The following TOX variants were observed in gnomAD, a reference collection of about 807,000 sequenced individuals.
The protein encoded by TOX is thymocyte selection associated high mobility group box.
Under a neutral mutation model 53.7 loss-of-function variants are expected in TOX, and 11 were observed. The observed-to-expected ratio is 0.20, with a 90% CI of 0.13 to 0.34. The LOEUF (loss-of-function observed/expected upper bound fraction) is 0.34, where lower values mean the gene tolerates loss of function less well. Ranked by LOEUF, TOX falls within the 10% of genes least tolerant of loss-of-function variation. TOX has a pLI of 1.00. For missense variants in TOX, 570 were observed against 664.6 expected (o/e 0.86, Z 1.56); for synonymous variants, 225 against 245.3 (o/e 0.92, Z 0.77).
intron 3 of TOX, among the ~76,000 whole-genome samples, chr8:58,915,297 T>C (rs1438183484): frequency 4.4e-5 from 5 of 114,644 alleles, no homozygotes; most frequent in Non-Finnish European, 8.9e-5. Flanking sequence ...GACTTAAGTG[T>C]CCCTGTCTGA....
chr8:58,840,536 G>C (rs1020787057), intron 4 of TOX, among the ~76,000 whole-genome samples: 1 of 152,166 alleles, frequency 6.6e-6, no homozygotes, highest in Non-Finnish European at 1.5e-5. Context: ...TTAATACCCT[G>C]ATGTCCAAGT....
chr8:58,824,798 C>T (rs1810339239), intron 6 of TOX, among the ~76,000 whole-genome samples: 1 of 152,192 alleles, frequency 6.6e-6, no homozygotes. Context: ...CCACAGCATT[C>T]TCTGAGCCTG....
rs1353213287 is a variant in TOX, at chr8:58,807,496, C to A, written c.*251G>T. ...GAGCGCAGCACTTCACAGCAAAAAA[C>A]CAACATAAAATCTGAATGGTCCAAA... On this transcript the variant is annotated 3_prime_UTR_variant, in exon 9 of 9. Coordinates refer to ENST00000361421, the MANE Select transcript of TOX (RefSeq NM_014729.3). The A allele has an allele frequency of 6.9e-6, 3 of 431,706 alleles. No homozygotes were observed. Among genetic ancestry groups the A allele is most frequent in the Admixed American group, 3.7e-5 (1 of 27,302 alleles). The allele number at this position is 431,706 out of a possible 1,614,324, so 26.7% of individuals were successfully genotyped here. A position where few individuals can be genotyped will look rare whatever the true frequency, so the allele number is the denominator to read the frequency against.
At chr8:58,915,016 C>A (rs570903592) in intron 3 of TOX, among the ~76,000 whole-genome samples, 6 of 150,752 alleles carry the variant, frequency 4.0e-5, no homozygotes, top group Admixed American at 2.6e-4. Flanking sequence ...CGGCGCACCA[C>A]GAGACTATAT....
At chr8:58,967,404 T>C (rs1392519233) in intron 1 of TOX, among the ~76,000 whole-genome samples, 2 of 152,288 alleles carry the variant, frequency 1.3e-5, no homozygotes, top group East Asian at 3.9e-4. Context: ...ATGGATCCAG[T>C]TACATGCTCC....
chr8:58,999,460 G>C (rs768906365), intron 1 of TOX, among the ~76,000 whole-genome samples: 27 of 152,154 alleles, frequency 1.8e-4, no homozygotes, highest in Non-Finnish European at 3.2e-4. Context: ...AAATACAAGG[G>C]TTGAAAGGGT....
At chr8:58,963,304 TAG>T (rs1491018472) in intron 1 of TOX, among the ~76,000 whole-genome samples, 8 of 99,354 alleles carry the variant, frequency 8.1e-5, no homozygotes, top group Admixed American at 1.8e-4. Flanking sequence ...GATAGATAGA[TAG>T]ATATATATAT....
intron 3 of TOX, among the ~76,000 whole-genome samples, chr8:58,938,156 C>A (rs910137438): frequency 6.6e-6 from 1 of 152,122 alleles, no homozygotes; most frequent in African/African-American, 2.4e-5. Context: ...GGGTTTCATT[C>A]TCTAAAGAAA....
At position 58,872,955 on chromosome 8, in the gene TOX, T is replaced by C. The variant is rs555282770; in HGVS notation, c.412-21150A>G. ...TGTTAAAAATAGGGGAATCTTAGTCTGGGGTATGTGACAACTCTCTAGTAT... is the reference window on the plus strand; with the variant it reads ...TGTTAAAAATAGGGGAATCTTAGTCCGGGGTATGTGACAACTCTCTAGTAT... On this transcript the variant is annotated intron_variant, in intron 3 of 8. Transcript: ENST00000361421. Among the ~76,000 whole-genome samples, 17 of 152,256 alleles carry C rather than the reference T, an allele frequency of 1.1e-4. No individual in the cohort carries two copies. The East Asian group carries it at 2.1e-3, about 19-fold the overall frequency.
At chr8:58,891,539 G>C (rs1048975037) in intron 3 of TOX, among the ~76,000 whole-genome samples, 2 of 152,068 alleles carry the variant, frequency 1.3e-5, no homozygotes, top group Non-Finnish European at 2.9e-5. Flanking sequence ...TGGTGGTATG[G>C]GGAGGGAGGT....
At chr8:58,860,218 T>C (rs1810985614) in intron 3 of TOX, among the ~76,000 whole-genome samples, 1 of 152,184 alleles carries the variant, frequency 6.6e-6, no homozygotes. Context: ...ACTTTCAACT[T>C]CTTTAACCCT....
At chr8:59,014,072 G>A (rs78381232) in intron 1 of TOX, among the ~76,000 whole-genome samples, 2,917 of 152,248 alleles carry the variant, frequency 0.019, 99 homozygotes, top group African/African-American at 0.066. Flanking sequence ...CATTGTTTTA[G>A]AAATGAATAA....
chr8:58,903,703 G>A (rs573707813), intron 3 of TOX, among the ~76,000 whole-genome samples: 28 of 152,236 alleles, frequency 1.8e-4, no homozygotes, highest in African/African-American at 6.5e-4. Context: ...TTTTGAACAG[G>A]AGGTGACCTC....
chr8:58,872,671 C>T (rs1001618241), intron 3 of TOX, among the ~76,000 whole-genome samples: 1 of 152,048 alleles, frequency 6.6e-6, no homozygotes, highest in African/African-American at 2.4e-5. Context: ...GGACACATGC[C>T]AATTGAGGGA....
chr8:58,987,824 G>C (rs1429125810), intron 1 of TOX, among the ~76,000 whole-genome samples: 4 of 152,168 alleles, frequency 2.6e-5, no homozygotes, highest in Admixed American at 2.6e-4. Flanking sequence ...AGTGAGGTTG[G>C]CAGATTCACC....
intron 3 of TOX, among the ~76,000 whole-genome samples, chr8:58,869,739 T>A (rs1200386953): frequency 3.3e-5 from 5 of 152,138 alleles, no homozygotes; most frequent in African/African-American, 1.2e-4. Flanking sequence ...AGTTCAACAT[T>A]AGAAAATCTA....
rs930817026 is a variant in TOX, at chr8:59,061,975, A to G, written c.102+56911T>C. On this transcript the variant is annotated intron_variant, in intron 1 of 8. Coordinates refer to ENST00000361421, the MANE Select transcript of TOX (RefSeq NM_014729.3). ...TTTCATTGAGATTTTACAAGCTCAA[A>G]AGCTTGTTCTGAGGAATATTTACTT... Among the ~76,000 whole-genome samples the G allele has an allele frequency of 1.8e-4, 27 of 152,254 alleles. 1 individual carries two copies. In the East Asian group the frequency reaches 5.2e-3, roughly 29 times the overall value.
intron 3 of TOX, among the ~76,000 whole-genome samples, chr8:58,869,855 CAT>C (rs1196121989): frequency 6.6e-6 from 1 of 151,462 alleles, no homozygotes; most frequent in South Asian, 2.1e-4. Context: ...GCAGTAAAAA[CAT>C]GTGACAAAAT....
chr8:59,027,570 A>G (rs759852770), intron 1 of TOX, among the ~76,000 whole-genome samples: 3 of 152,086 alleles, frequency 2.0e-5, no homozygotes, highest in Admixed American at 6.6e-5. Context: ...TTTCTAAAAC[A>G]TTCTTGATTT....
Sources: allele counts gnomAD v4.1 joint callset (sites outside exome capture counted in the v4.1 genomes callset), GRCh38; gene constraint gnomAD v4.1.1; transcripts MANE v1.5; gene names NCBI Gene and HGNC (gene_info 2026-07-23, HGNC 2026-07-21).